Variants in ZBTB20 observed in about 807,000 individuals in gnomAD.
ZBTB20 encodes the protein zinc finger and BTB domain containing 20, also known as zinc finger and BTB domain-containing protein 20.
Under a neutral mutation model 56.9 loss-of-function variants are expected in ZBTB20, and 9 were observed. The observed-to-expected ratio is 0.16, with a 90% CI of 0.10 to 0.28. The LOEUF is 0.28. Among genes scored for constraint, ZBTB20 ranks in the 10% least tolerant of loss-of-function variants. The pLI, the probability that ZBTB20 is intolerant of heterozygous loss-of-function variation, is 1.00. For synonymous variants in ZBTB20, 417 were observed against 420.7 expected (o/e 0.99, Z 0.11); for missense variants, 655 against 1,003.0 (o/e 0.65, Z 4.69).
At position 114,338,669 on chromosome 3, in the gene ZBTB20, C is replaced by CT. The variant is rs982137682; in HGVS notation, c.*335dup. ...AGTGGAAATTTTTTTTTTTTTTTTA[C>CT]TTTTTTTTAAAAGATTTTTTTGTAA... is the stretch of plus-strand genomic sequence containing the variant. On this transcript the variant is annotated 3_prime_UTR_variant, in exon 12 of 12. Transcript: ENST00000675478. The CT allele has an allele frequency of 7.1e-5, 11 of 154,508 alleles. No individual in the cohort carries two copies. The highest frequency in any genetic ancestry group is 2.2e-4 in the South Asian group (1 of 4,590). 9.6% of individuals were successfully genotyped at this position (154,508 alleles called of 1,614,324 possible). A position where few individuals can be genotyped will look rare whatever the true frequency, so the allele number is the denominator to read the frequency against.
chr3:114,954,973 A>G (rs1389394143), intron 3 of ZBTB20, among the ~76,000 whole-genome samples: 1 of 152,192 alleles, frequency 6.6e-6, no homozygotes, highest in East Asian at 1.9e-4. Context: ...AGTGGTGAAT[A>G]GTAATTCTAA....
chr3:115,058,644 A>C (rs1021538433), intron 2 of ZBTB20, among the ~76,000 whole-genome samples: 1 of 152,036 alleles, frequency 6.6e-6, no homozygotes, highest in Admixed American at 6.6e-5. Flanking sequence ...CAGGAGAATC[A>C]CTTGAACCCA....
intron 2 of ZBTB20, among the ~76,000 whole-genome samples, chr3:115,034,573 A>G (rs899131671): frequency 1.3e-5 from 2 of 152,074 alleles, no homozygotes; most frequent in East Asian, 1.9e-4. Context: ...AACTTTTCTG[A>G]AAGAAATTAA....
At chr3:114,554,338 C>T (rs1319289681) in intron 6 of ZBTB20, among the ~76,000 whole-genome samples, 4 of 152,164 alleles carry the variant, frequency 2.6e-5, no homozygotes, top group Non-Finnish European at 5.9e-5. Flanking sequence ...TCCCACGTTA[C>T]TACCACAAGG....
intron 1 of ZBTB20, among the ~76,000 whole-genome samples, chr3:115,130,792 G>A (rs767118650): frequency 3.9e-5 from 6 of 151,988 alleles, no homozygotes; most frequent in South Asian, 2.1e-4. Context: ...ATGGAGTTTC[G>A]CTCTTGTTGC....
chr3:114,552,391 A>C (rs1163817876), intron 6 of ZBTB20, among the ~76,000 whole-genome samples: 1 of 151,898 alleles, frequency 6.6e-6, no homozygotes, highest in African/African-American at 2.4e-5. Context: ...AATCAAGGAC[A>C]GTGACACCTT....
At chr3:114,922,776 A>G (rs1172536773) in intron 3 of ZBTB20, among the ~76,000 whole-genome samples, 1 of 152,142 alleles carries the variant, frequency 6.6e-6, no homozygotes, top group Admixed American at 6.5e-5. Context: ...CAGGCTCTTT[A>G]TAACAATCGG....
At chr3:115,040,005 A>T (rs2081078097) in intron 2 of ZBTB20, among the ~76,000 whole-genome samples, 1 of 152,170 alleles carries the variant, frequency 6.6e-6, no homozygotes, top group South Asian at 2.1e-4. Flanking sequence ...GTGAGATGAT[A>T]GATATGTTAA....
chr3:114,789,937 A>G (rs2070814202), intron 5 of ZBTB20, among the ~76,000 whole-genome samples: 1 of 152,106 alleles, frequency 6.6e-6, no homozygotes. Context: ...GTGAAACATG[A>G]TGTAATTTAT....
At chr3:114,999,589 A>G (rs2079166536) in intron 2 of ZBTB20, among the ~76,000 whole-genome samples, 1 of 151,790 alleles carries the variant, frequency 6.6e-6, no homozygotes, top group African/African-American at 2.4e-5. Context: ...TTTTTCTAAA[A>G]TGAAACATCT....
intron 4 of ZBTB20, among the ~76,000 whole-genome samples, chr3:114,816,359 G>C (rs1385045779): frequency 1.3e-5 from 2 of 152,086 alleles, no homozygotes; most frequent in Admixed American, 6.5e-5. Context: ...ATTAGGTTAA[G>C]GAGAAATGGT....
chr3:115,118,778 T>C (rs1003802617), intron 1 of ZBTB20, among the ~76,000 whole-genome samples: 5 of 133,368 alleles, frequency 3.7e-5, no homozygotes, highest in African/African-American at 1.4e-4. Flanking sequence ...TGGAGTGCAG[T>C]GGCGCGATCT....
At chr3:115,140,828 T>C (rs932632358) in intron 1 of ZBTB20, among the ~76,000 whole-genome samples, 14 of 152,070 alleles carry the variant, frequency 9.2e-5, no homozygotes, top group Non-Finnish European at 1.8e-4. Flanking sequence ...CCAAAAGTAA[T>C]TGAAAAGAGA....
intron 6 of ZBTB20, among the ~76,000 whole-genome samples, chr3:114,663,006 G>A (rs1394579593): frequency 1.3e-5 from 2 of 150,192 alleles, no homozygotes; most frequent in Non-Finnish European, 3.0e-5. Flanking sequence ...TAGCAAGGCA[G>A]GCCAACGTTC....
intron 6 of ZBTB20, among the ~76,000 whole-genome samples, chr3:114,668,002 G>A (rs775264990): frequency 6.6e-6 from 1 of 151,058 alleles, no homozygotes; most frequent in South Asian, 2.1e-4. Context: ...TGAAAATTTT[G>A]TGTTACATAT....
intron 7 of ZBTB20, among the ~76,000 whole-genome samples, chr3:114,390,025 A>C (rs1244993670): frequency 6.6e-6 from 1 of 152,106 alleles, no homozygotes; most frequent in Non-Finnish European, 1.5e-5. Context: ...TGTACAGTAC[A>C]TCTCTGGAGT....
At chr3:115,035,533 T>C (rs1044569234) in intron 2 of ZBTB20, among the ~76,000 whole-genome samples, 1 of 147,440 alleles carries the variant, frequency 6.8e-6, no homozygotes, top group African/African-American at 2.7e-5. Context: ...CAATTAGAAT[T>C]GCTACTATCA....
intron 2 of ZBTB20, among the ~76,000 whole-genome samples, chr3:114,979,722 T>C (rs1229099532): frequency 6.6e-6 from 1 of 152,042 alleles, no homozygotes; most frequent in Non-Finnish European, 1.5e-5. Flanking sequence ...AGTTCCATCG[T>C]CAAGAAGACA....
At chr3:114,862,596 G>GA (rs759699514) in intron 4 of ZBTB20, among the ~76,000 whole-genome samples, 7 of 152,228 alleles carry the variant, frequency 4.6e-5, no homozygotes, top group South Asian at 4.2e-4. Flanking sequence ...TTCTAGGAGG[G>GA]AAAGTGTACG....
Sources: gnomAD v4.1 joint callset for allele counts (sites outside exome capture counted in the v4.1 genomes callset) on GRCh38, gnomAD v4.1.1 for gene constraint, MANE v1.5 for transcripts, NCBI Gene and HGNC (gene_info 2026-07-23, HGNC 2026-07-21) for gene names.